The following SEMA6D variants were observed in gnomAD, a reference collection of about 807,000 sequenced individuals.
The protein encoded by SEMA6D is semaphorin 6D, also known as semaphorin-6D.
SEMA6D carries 35 observed loss-of-function variants against 106.6 expected under a neutral mutation model. The observed-to-expected ratio is 0.33, with a 90% CI of 0.25 to 0.44. The LOEUF is 0.44. Ranked by LOEUF, SEMA6D falls within the 20% of genes least tolerant of loss-of-function variation. SEMA6D has a pLI of 1.00. For synonymous variants in SEMA6D, 499 were observed against 487.7 expected (o/e 1.02, Z -0.31); for missense variants, 1,185 against 1,345.9 (o/e 0.88, Z 1.87).
At chr15:47,587,565 C>T (rs1356541040) in intron 3 of SEMA6D, among the ~76,000 whole-genome samples, 2 of 152,150 alleles carry the variant, frequency 1.3e-5, no homozygotes, top group African/African-American at 4.8e-5. Context: ...CTTCAGTGAT[C>T]CGAAGCCAGG....
At chr15:47,284,394 T>C (rs2142625349) in intron 1 of SEMA6D, among the ~76,000 whole-genome samples, 1 of 152,346 alleles carries the variant, frequency 6.6e-6, no homozygotes, top group East Asian at 1.9e-4. Flanking sequence ...CCCCGTTTCT[T>C]AACCACTAAC....
intron 1 of SEMA6D, among the ~76,000 whole-genome samples, chr15:47,207,993 G>GCACACACACACACACACACACACA (rs57079521): frequency 1.1e-5 from 1 of 89,398 alleles, no homozygotes; most frequent in Non-Finnish European, 2.3e-5. Context: ...TGGCGCGCGC[G>GCACACACACACACACACACACACA]CACACACACA....
chr15:47,200,062 G>C (rs282510), intron 1 of SEMA6D, among the ~76,000 whole-genome samples: 6,838 of 152,186 alleles, frequency 0.045, 194 homozygotes, highest in South Asian at 0.12. Context: ...GTATATCTAT[G>C]TGTCTTTGTC....
intron 2 of SEMA6D, among the ~76,000 whole-genome samples, chr15:47,456,911 T>C (rs900029068): frequency 1.3e-5 from 2 of 151,960 alleles, no homozygotes; most frequent in African/African-American, 4.8e-5. Flanking sequence ...GAGGTCTCCA[T>C]AATGAGTGTT....
chr15:47,644,635 C>T (rs978713043), intron 4 of SEMA6D, among the ~76,000 whole-genome samples: 1 of 152,206 alleles, frequency 6.6e-6, no homozygotes, highest in Non-Finnish European at 1.5e-5. Context: ...GCCTTCTGCC[C>T]TTTGAGAGTG....
At chr15:47,361,515 C>T (rs747055578) in intron 1 of SEMA6D, among the ~76,000 whole-genome samples, 2 of 152,208 alleles carry the variant, frequency 1.3e-5, no homozygotes, top group Admixed American at 6.5e-5. Flanking sequence ...TAGAAAGTCT[C>T]TTACTGCCTC....
At chr15:47,244,237 C>T (rs1276864201) in intron 1 of SEMA6D, among the ~76,000 whole-genome samples, 1 of 152,084 alleles carries the variant, frequency 6.6e-6, no homozygotes, top group Non-Finnish European at 1.5e-5. Context: ...GTGGCATGGA[C>T]TTTAGAATCA....
At chr15:47,288,769 G>A (rs2035476050) in intron 1 of SEMA6D, among the ~76,000 whole-genome samples, 3 of 152,160 alleles carry the variant, frequency 2.0e-5, no homozygotes, top group Non-Finnish European at 4.4e-5. Context: ...CCACTGCTGT[G>A]AATATTCCAT....
intron 1 of SEMA6D, among the ~76,000 whole-genome samples, chr15:47,240,873 T>G (rs965811301): frequency 6.6e-6 from 1 of 152,168 alleles, no homozygotes; most frequent in African/African-American, 2.4e-5. Flanking sequence ...ATCCTACTGA[T>G]GACTGTTTGG....
intron 1 of SEMA6D, among the ~76,000 whole-genome samples, chr15:47,366,933 G>C (rs1388519363): frequency 6.6e-6 from 1 of 152,194 alleles, no homozygotes; most frequent in Admixed American, 6.5e-5. Context: ...GCTCTAGTCA[G>C]AAAAATGACA....
chr15:47,316,996 C>A (rs762307992), intron 1 of SEMA6D, among the ~76,000 whole-genome samples: 14 of 152,066 alleles, frequency 9.2e-5, no homozygotes, highest in Non-Finnish European at 1.0e-4. Flanking sequence ...GGTATGAATT[C>A]TTTCTTAAAC....
intron 1 of SEMA6D, among the ~76,000 whole-genome samples, chr15:47,737,281 C>T (rs918783087): frequency 1.3e-5 from 2 of 152,104 alleles, no homozygotes; most frequent in African/African-American, 2.4e-5. Flanking sequence ...CATAGGACCC[C>T]AGTACTAGTT....
chr15:47,722,928 G>A (rs1224510649), intron 1 of SEMA6D, among the ~76,000 whole-genome samples: 1 of 152,170 alleles, frequency 6.6e-6, no homozygotes, highest in Non-Finnish European at 1.5e-5. Context: ...GGTAAACAAA[G>A]TGAGGTGCTG....
chr15:47,477,641 G>A (rs1395721408), intron 3 of SEMA6D, among the ~76,000 whole-genome samples: 1 of 152,098 alleles, frequency 6.6e-6, no homozygotes, highest in African/African-American at 2.4e-5. Context: ...CCAGCCAACA[G>A]CCACAGAATT....
chr15:47,204,774 A>G (rs751404734), intron 1 of SEMA6D, among the ~76,000 whole-genome samples: 70 of 152,300 alleles, frequency 4.6e-4, no homozygotes, highest in Admixed American at 2.6e-3. Flanking sequence ...TAAATCATCT[A>G]TCATGTACAG....
intron 4 of SEMA6D, among the ~76,000 whole-genome samples, chr15:47,601,445 TC>T (rs2076657174): frequency 6.6e-6 from 1 of 152,272 alleles, no homozygotes; most frequent in Non-Finnish European, 1.5e-5. Context: ...ATAATAGGGA[TC>T]CTTTTTTATT....
At chr15:47,193,861 C>T (rs1050173955) in intron 1 of SEMA6D, among the ~76,000 whole-genome samples, 9 of 152,018 alleles carry the variant, frequency 5.9e-5, no homozygotes, top group African/African-American at 2.2e-4. Flanking sequence ...ACTCTTTATT[C>T]CTTATTGTCT....
At position 47,770,911 on chromosome 15, in the gene SEMA6D, A is replaced by G. The variant is rs2082594869; in HGVS notation, c.2348A>G (p.Lys783Arg). Residue 783 changes from lysine to arginine, a missense_variant, in exon 19 of 19, where the codon AAG (lysine) becomes AGG (arginine). Lys to Arg is a conservative substitution (Grantham distance 26). Around this residue, in one of 3 missense-constraint regions of SEMA6D, gnomAD observed 750 missense variants for 783.5 expected, o/e 0.96. Coordinates refer to ENST00000536845, the MANE Select transcript of SEMA6D (RefSeq NM_001358351.3). Reference protein sequence around the residue: ...TPESTPVLHQKTLQAMKSHSE... With the variant: ...TPESTPVLHQRTLQAMKSHSE... ...GAGTCTACACCCGTGCTTCACCAGA[A>G]GACCCTGCAGGCCATGAAGAGCCAC... 1.2e-6 allele frequency: 2 copies of G among 1,613,968 alleles called. No individual in the cohort carries two copies. The highest frequency in any genetic ancestry group is 1.6e-4 in the Middle Eastern group (1 of 6,078).
chr15:47,654,972 T>C (rs542765548), intron 4 of SEMA6D, among the ~76,000 whole-genome samples: 1 of 152,284 alleles, frequency 6.6e-6, no homozygotes, highest in East Asian at 1.9e-4. Flanking sequence ...CTCATCATCT[T>C]CTCACTGGGT....
Sources: gnomAD v4.1 joint callset for allele counts (sites outside exome capture counted in the v4.1 genomes callset) on GRCh38, gnomAD v4.1.1 for gene constraint, gnomAD v4.1.1 regional missense constraint, MANE v1.5 for transcripts, NCBI Gene and HGNC (gene_info 2026-07-23, HGNC 2026-07-21) for gene names.